Variants in RAB30 observed in about 807,000 individuals in gnomAD.
RAB30 encodes RAB30, member RAS oncogene family.
Under a neutral mutation model 25.1 loss-of-function variants are expected in RAB30, and 9 were observed. That is an observed-to-expected ratio of 0.36 (90% CI 0.22 to 0.63). The LOEUF (loss-of-function observed/expected upper bound fraction) is 0.63. Among genes scored for constraint, RAB30 ranks in the 20% least tolerant of loss-of-function variants. The pLI is 0.69. For missense variants in RAB30, 140 were observed against 243.5 expected, an observed-to-expected ratio of 0.58 and a Z score of 2.83; for synonymous variants, 77 against 86.4, an observed-to-expected ratio of 0.89 and a Z score of 0.60.
chr11:83,015,582 T>A (rs1474081184), intron 1 of RAB30, among the ~76,000 whole-genome samples: 1 of 151,722 alleles, frequency 6.6e-6, no homozygotes, highest in African/African-American at 2.4e-5. Context: ...AGAGAGAGAG[T>A]CTGAGGCTAA....
At chr11:83,045,190 T>C (rs1858208557) in intron 1 of RAB30, among the ~76,000 whole-genome samples, 2 of 151,586 alleles carry the variant, frequency 1.3e-5, no homozygotes, top group East Asian at 1.9e-4. Flanking sequence ...GGATTACTCA[T>C]TTATTCATTT....
At chr11:83,009,076 CT>C (rs3037193) in intron 1 of RAB30, among the ~76,000 whole-genome samples, 294 of 143,058 alleles carry the variant, frequency 2.1e-3, no homozygotes, top group Middle Eastern at 3.6e-3. Context: ...AGCGGGAAAC[CT>C]TTTTTTTTTT....
chr11:83,071,249 A>T (rs1858836484), intron 1 of RAB30: 1 of 152,246 alleles, frequency 6.6e-6, no homozygotes, highest in Non-Finnish European at 1.5e-5. Flanking sequence ...CGTCCAAGCG[A>T]CATTCAAATG....
In RAB30 at chr11:82,982,132, T is replaced by C. The variant is rs1357787099; in HGVS notation, c.*33A>G. 16 of 1,612,814 alleles carry C rather than the reference T, an allele frequency of 9.9e-6. No homozygotes were observed. The South Asian group carries it at 1.5e-4, about 16-fold the overall frequency. The stretch of plus-strand genomic sequence containing the variant: ...GCATCTCATGGCCCATCAGGGCAGT[T>C]GCTGATTCCTTTTCTTCTCCGTGCC... On this transcript the variant is annotated 3_prime_UTR_variant, in exon 5 of 5. Transcript: ENST00000527633.
At chr11:83,033,055 C>CCTT (rs1565284142) in intron 1 of RAB30, among the ~76,000 whole-genome samples, 27 of 77,862 alleles carry the variant, frequency 3.5e-4, no homozygotes, top group Non-Finnish European at 5.1e-4. Flanking sequence ...GCCTCAAATT[C>CCTT]TTTTTTTTTT....
intron 1 of RAB30, among the ~76,000 whole-genome samples, chr11:83,017,098 G>A (rs1189293488): frequency 6.6e-6 from 1 of 152,158 alleles, no homozygotes; most frequent in Non-Finnish European, 1.5e-5. Flanking sequence ...TAGCACTCTG[G>A]GAGGCTGAGT....
At chr11:83,053,465 G>C (rs1164694290) in intron 1 of RAB30, among the ~76,000 whole-genome samples, 1 of 152,094 alleles carries the variant, frequency 6.6e-6, no homozygotes, top group Non-Finnish European at 1.5e-5. Flanking sequence ...GCGGTACTTA[G>C]TAATTTTGAG....
At chr11:82,988,467 A>C (rs143039380) in intron 3 of RAB30, among the ~76,000 whole-genome samples, 123 of 152,314 alleles carry the variant, frequency 8.1e-4, no homozygotes, top group African/African-American at 2.8e-3. Context: ...AGACAACAAT[A>C]TAATTTTCCT....
Position 82,982,362 on chromosome 11 carries a change from C to A in RAB30, c.415G>T (p.Glu139Ter). 1 of 1,614,126 alleles carries A rather than the reference C, an allele frequency of 6.2e-7. No individual in the cohort carries two copies. The highest frequency in any genetic ancestry group is 1.3e-5 in the African/African-American group (1 of 75,058). Residue 139 changes from glutamate (E) to a stop codon, truncating the protein, a stop_gained, in exon 5 of 5, where the codon GAA (glutamate) becomes TAA (stop). Coordinates refer to ENST00000527633, the MANE Select transcript of RAB30 (RefSeq NM_001286060.2). LOFTEE classifies it high-confidence loss of function. Reference protein sequence around the residue: ...RREVSQQRAEEFSEAQDMYYL... With the variant: ...RREVSQQRAE ...TACATGTCCTGAGCTTCTGAGAATT[C>A]TTCAGCTCGCTGCTGGGAAACCTCT...
intron 1 of RAB30, among the ~76,000 whole-genome samples, chr11:83,055,893 G>A (rs951463290): frequency 1.6e-4 from 22 of 138,012 alleles, no homozygotes; most frequent in Admixed American, 1.3e-3. Flanking sequence ...GCCTGCTGGC[G>A]CCTGGATCTT....
At chr11:83,028,606 T>C (rs1857779736) in intron 1 of RAB30, among the ~76,000 whole-genome samples, 1 of 151,918 alleles carries the variant, frequency 6.6e-6, no homozygotes, top group South Asian at 2.1e-4. Flanking sequence ...CCTTCCAACT[T>C]CTCTACAGCA....
At chr11:83,061,039 T>C (rs1858562983) in intron 1 of RAB30, among the ~76,000 whole-genome samples, 2 of 152,188 alleles carry the variant, frequency 1.3e-5, no homozygotes, top group African/African-American at 4.8e-5. Flanking sequence ...AGTCTCTGGG[T>C]CTTCAGCCTC....
intron 1 of RAB30, among the ~76,000 whole-genome samples, chr11:83,044,838 A>C (rs1173151462): frequency 2.0e-5 from 3 of 152,212 alleles, no homozygotes; most frequent in East Asian, 1.9e-4. Flanking sequence ...TTGAAACTAT[A>C]GCTTTAAATT....
intron 1 of RAB30, among the ~76,000 whole-genome samples, chr11:83,013,376 C>T (rs1051099227): frequency 1.6e-4 from 25 of 152,186 alleles, no homozygotes; most frequent in Non-Finnish European, 3.5e-4. Context: ...TAAGCCACTG[C>T]GCCTGGCCAG....
intron 1 of RAB30, chr11:83,041,392 A>G (rs188145989): frequency 5.6e-6 from 1 of 177,842 alleles, no homozygotes; most frequent in Non-Finnish European, 1.2e-5. Context: ...AGGCTTTCCA[A>G]AGGCACCTCC....
In RAB30 at chr11:82,982,415, C is replaced by A; in HGVS notation, c.362G>T (p.Gly121Val). ...CCTTTCAGCCAGGTCAATCTTGTTG[C>A]CTATAACAGTAGTAAAATCAAATAA... ...ASNKVITVLV[G>V]NKIDLAERRE... Residue 121 changes from glycine (G) to valine (V), a missense_variant and splice_region_variant, in exon 5 of 5, where the codon GGC (glycine) becomes GTC (valine). Coordinates refer to ENST00000527633, the MANE Select transcript of RAB30 (RefSeq NM_001286060.2). 1 of 1,612,130 alleles carries A rather than the reference C, an allele frequency of 6.2e-7. No individual in the cohort carries two copies.
intron 1 of RAB30, among the ~76,000 whole-genome samples, chr11:83,030,820 G>A (rs982174622): frequency 6.6e-6 from 1 of 151,028 alleles, no homozygotes; most frequent in African/African-American, 2.4e-5. Flanking sequence ...AAGTCTCTTT[G>A]CAATTAAACT....
intron 1 of RAB30, among the ~76,000 whole-genome samples, chr11:83,003,799 T>C (rs1296612629): frequency 6.6e-6 from 1 of 152,198 alleles, no homozygotes; most frequent in East Asian, 1.9e-4. Context: ...AAAAACAGCA[T>C]CATAGAATTA....
chr11:82,986,871 G>C (rs985772373), intron 4 of RAB30, among the ~76,000 whole-genome samples: 3 of 152,168 alleles, frequency 2.0e-5, no homozygotes, highest in African/African-American at 7.2e-5. Flanking sequence ...ATGCTTCTAA[G>C]GATCTCTACT....
Sources: gnomAD v4.1 joint callset for allele counts (sites outside exome capture counted in the v4.1 genomes callset) on GRCh38, gnomAD v4.1.1 for gene constraint, MANE v1.5 for transcripts, NCBI Gene and HGNC (gene_info 2026-07-23, HGNC 2026-07-21) for gene names.